Variants in CCSER1 observed in about 807,000 individuals in gnomAD.
The protein encoded by CCSER1 is serine-rich coiled-coil domain-containing protein 1.
Under a neutral mutation model 82.0 loss-of-function variants are expected in CCSER1, and 41 were observed. The observed-to-expected ratio is 0.50, with a 90% CI of 0.39 to 0.65. The LOEUF is 0.65. Among genes scored for constraint, CCSER1 ranks in the 30% least tolerant of loss-of-function variants. The probability of loss-of-function intolerance (pLI) is 0.00; values close to 1 mark genes in which losing one functional copy is unlikely to be tolerated. For missense variants in CCSER1, 1,119 were observed against 1,064.2 expected, an observed-to-expected ratio of 1.05 and a Z score of -0.72; for synonymous variants, 414 against 383.9, an observed-to-expected ratio of 1.08 and a Z score of -0.92.
chr4:91,090,897 T>C (rs934052612), intron 10 of CCSER1, among the ~76,000 whole-genome samples: 1 of 152,158 alleles, frequency 6.6e-6, no homozygotes, highest in African/African-American at 2.4e-5. Flanking sequence ...AGATACGTAC[T>C]CTCCTTTTCT....
intron 1 of CCSER1, among the ~76,000 whole-genome samples, chr4:90,170,120 A>G (rs544681381): frequency 2.6e-5 from 4 of 152,100 alleles, no homozygotes; most frequent in African/African-American, 4.8e-5. Context: ...CTCCTATGCA[A>G]TCATCTACCC....
intron 10 of CCSER1, among the ~76,000 whole-genome samples, chr4:91,509,240 T>C (rs1462303176): frequency 6.6e-6 from 1 of 152,034 alleles, no homozygotes; most frequent in Non-Finnish European, 1.5e-5. Flanking sequence ...GCTGCAGATA[T>C]CTCTGTAAAC....
chr4:90,416,170 T>A (rs769828975), intron 4 of CCSER1, among the ~76,000 whole-genome samples: 1 of 134,388 alleles, frequency 7.4e-6, no homozygotes, highest in Non-Finnish European at 1.5e-5. Flanking sequence ...AATCATTACC[T>A]TTTTTTTACC....
At chr4:90,355,116 A>G (rs1237250321) in intron 3 of CCSER1, among the ~76,000 whole-genome samples, 1 of 152,048 alleles carries the variant, frequency 6.6e-6, no homozygotes, top group African/African-American at 2.4e-5. Context: ...AGACTTCTGG[A>G]TAAGACTCAA....
chr4:90,780,782 G>A (rs544929824), intron 7 of CCSER1: 3 of 1,157,326 alleles, frequency 2.6e-6, no homozygotes, highest in Non-Finnish European at 3.2e-6. Context: ...ATTGACTAAA[G>A]TATCAATATT....
chr4:91,214,491 C>T (rs1737085555), intron 10 of CCSER1, among the ~76,000 whole-genome samples: 1 of 152,084 alleles, frequency 6.6e-6, no homozygotes, highest in African/African-American at 2.4e-5. Context: ...TTGATATTCC[C>T]GAATGCTACT....
intron 1 of CCSER1, among the ~76,000 whole-genome samples, chr4:90,233,610 A>G (rs1745137811): frequency 6.9e-6 from 1 of 145,358 alleles, no homozygotes; most frequent in South Asian, 2.2e-4. Context: ...GTACCCTAAA[A>G]CTTAAAGTAT....
chr4:90,877,219 C>T (rs1366582499), intron 8 of CCSER1, among the ~76,000 whole-genome samples: 5 of 152,106 alleles, frequency 3.3e-5, no homozygotes, highest in Non-Finnish European at 7.4e-5. Context: ...TTTGGAGCTA[C>T]TGCAAGTTTC....
At chr4:90,726,021 C>T (rs979062833) in intron 7 of CCSER1, among the ~76,000 whole-genome samples, 1 of 151,950 alleles carries the variant, frequency 6.6e-6, no homozygotes, top group Non-Finnish European at 1.5e-5. Flanking sequence ...TTTCAGCACT[C>T]AACCCCATCA....
chr4:91,103,023 C>T (rs1034055853), intron 10 of CCSER1, among the ~76,000 whole-genome samples: 2 of 152,056 alleles, frequency 1.3e-5, no homozygotes, highest in Non-Finnish European at 2.9e-5. Flanking sequence ...CTTGTGTAAA[C>T]TATCTACACT....
At chr4:90,291,377 G>A (rs1385230727) in intron 1 of CCSER1, among the ~76,000 whole-genome samples, 1 of 151,998 alleles carries the variant, frequency 6.6e-6, no homozygotes, top group Admixed American at 6.6e-5. Flanking sequence ...CTACCTAAAT[G>A]TTCCAAGATG....
intron 10 of CCSER1, among the ~76,000 whole-genome samples, chr4:91,510,151 C>T (rs908402596): frequency 1.3e-5 from 2 of 152,052 alleles, no homozygotes; most frequent in Admixed American, 1.3e-4. Context: ...GGACAATGGC[C>T]CCCAGCTGCA....
chr4:91,470,487 ATACGTAG>A lies in CCSER1; in HGVS notation c.2218-128084_2218-128078del, dbSNP rs376458304. The stretch of plus-strand genomic sequence containing the variant: ...AATGAGATCCAGTGTGTGCTGCTTT[ATACGTAG>A]CAGACTGGGGATGACACGTATACTT... On this transcript the variant is annotated intron_variant, in intron 10 of 10. Coordinates refer to ENST00000509176, the MANE Select transcript of CCSER1 (RefSeq NM_001145065.2). Among the ~76,000 whole-genome samples, 244 of 152,232 alleles carry A rather than the reference ATACGTAG, an allele frequency of 1.6e-3. 1 individual carries two copies. The highest frequency in any genetic ancestry group is 5.6e-3 in the African/African-American group (234 of 41,560).
chr4:90,981,240 T>A (rs567212273), intron 9 of CCSER1, among the ~76,000 whole-genome samples: 1 of 151,814 alleles, frequency 6.6e-6, no homozygotes, highest in Non-Finnish European at 1.5e-5. Context: ...CCCTTTCCAC[T>A]ATGAAAAAGT....
chr4:90,448,535 A>G (rs1761014746), intron 4 of CCSER1, among the ~76,000 whole-genome samples: 1 of 143,736 alleles, frequency 7.0e-6, no homozygotes, highest in African/African-American at 2.5e-5. Context: ...GCTGTAGACA[A>G]CTGCTGAATG....
chr4:90,843,311 C>A (rs954507359), intron 8 of CCSER1, among the ~76,000 whole-genome samples: 1 of 151,872 alleles, frequency 6.6e-6, no homozygotes, highest in East Asian at 1.9e-4. Context: ...AAATGTAATT[C>A]CTACGGATTT....
At chr4:90,185,957 T>C (rs191856923) in intron 1 of CCSER1, among the ~76,000 whole-genome samples, 14 of 152,166 alleles carry the variant, frequency 9.2e-5, no homozygotes, top group African/African-American at 2.9e-4. Flanking sequence ...CTGAATTGAA[T>C]TGCAATTCAT....
At chr4:90,639,749 A>G (rs1240306854) in intron 6 of CCSER1, among the ~76,000 whole-genome samples, 4 of 152,088 alleles carry the variant, frequency 2.6e-5, no homozygotes, top group African/African-American at 9.7e-5. Context: ...GACAGAAGGA[A>G]ACAAGAGTTC....
chr4:91,552,204 T>A (rs914069870), intron 10 of CCSER1, among the ~76,000 whole-genome samples: 3 of 151,776 alleles, frequency 2.0e-5, no homozygotes, highest in African/African-American at 7.3e-5. Flanking sequence ...CCCAATAACA[T>A]TTTATTCAAT....
Sources: allele counts gnomAD v4.1 joint callset (sites outside exome capture counted in the v4.1 genomes callset), GRCh38; gene constraint gnomAD v4.1.1; transcripts MANE v1.5; gene names NCBI Gene and HGNC (gene_info 2026-07-23, HGNC 2026-07-21).